The following MTURN variants were observed in gnomAD, a reference collection of about 807,000 sequenced individuals.
MTURN encodes maturin, neural progenitor differentiation regulator homolog, also known as maturin.
A neutral mutation model predicts 14.9 loss-of-function variants in MTURN; 7 were observed. The observed-to-expected ratio is 0.47, with a 90% CI of 0.27 to 0.88. MTURN has a LOEUF of 0.88. MTURN is among the 40% of genes least tolerant of loss of function. The pLI, the probability that MTURN is intolerant of heterozygous loss-of-function variation, is 0.14. For synonymous variants in MTURN, 69 were observed against 72.5 expected (o/e 0.95, Z 0.25); for missense variants, 151 against 174.1 (o/e 0.87, Z 0.75).
At chr7:30,141,630 C>T (rs1797054421) in intron 1 of MTURN, among the ~76,000 whole-genome samples, 1 of 152,062 alleles carries the variant, frequency 6.6e-6, no homozygotes, top group Non-Finnish European at 1.5e-5. Flanking sequence ...CTGAAGCAGC[C>T]TGCTGCTTCA....
chr7:30,150,529 A>AT (rs1012844528), intron 2 of MTURN, among the ~76,000 whole-genome samples: 39 of 152,308 alleles, frequency 2.6e-4, no homozygotes, highest in African/African-American at 8.2e-4. Flanking sequence ...GTTATGGATG[A>AT]TTTTTTATTT....
At chr7:30,142,671 A>T (rs751247459) in intron 1 of MTURN, among the ~76,000 whole-genome samples, 1 of 152,188 alleles carries the variant, frequency 6.6e-6, no homozygotes, top group Non-Finnish European at 1.5e-5. Context: ...TAACTTTGCA[A>T]TTTAAACTCT....
chr7:30,145,971 A>T (rs1797122706), intron 1 of MTURN: 1 of 1,551,294 alleles, frequency 6.4e-7, no homozygotes. Context: ...TATGGACCAA[A>T]AGCTCGGGGG....
intron 1 of MTURN, chr7:30,145,969 A>G: frequency 1.3e-6 from 2 of 1,551,456 alleles, no homozygotes; most frequent in Non-Finnish European, 1.7e-6. Flanking sequence ...GGTATGGACC[A>G]AAAGCTCGGG....
At chr7:30,150,576 C>T (rs1253155988) in intron 2 of MTURN, among the ~76,000 whole-genome samples, 3 of 152,204 alleles carry the variant, frequency 2.0e-5, no homozygotes, top group Non-Finnish European at 2.9e-5. Context: ...TCTATGATCA[C>T]ATTATCAGAA....
In MTURN at chr7:30,135,005, C is replaced by G; in HGVS notation, c.-132C>G. ...CGCCCCACTCCGCACCGCATGTAAA[C>G]AGTCCCAGCCGGCCCAGCCCGGCCC... is the stretch of plus-strand genomic sequence containing the variant. On this transcript the variant is annotated 5_prime_UTR_variant, in exon 1 of 3. Coordinates refer to ENST00000324453, the MANE Select transcript of MTURN (RefSeq NM_152793.3). 1.3e-6 allele frequency: 1 copy of G among 759,278 alleles called. No homozygotes were observed. The highest frequency in any genetic ancestry group is 1.6e-6 in the Non-Finnish European group (1 of 613,128). 47.0% of individuals were successfully genotyped at this position (759,278 alleles called of 1,614,324 possible).
At chr7:30,153,781 G>A (rs547989174) in intron 2 of MTURN, among the ~76,000 whole-genome samples, 3 of 152,158 alleles carry the variant, frequency 2.0e-5, no homozygotes, top group African/African-American at 7.2e-5. Flanking sequence ...GCAATGGCAC[G>A]ATCTTGGCTC....
intron 1 of MTURN, among the ~76,000 whole-genome samples, chr7:30,144,928 CTT>C (rs11411711): frequency 3.1e-4 from 23 of 73,974 alleles, no homozygotes; most frequent in African/African-American, 5.1e-4. Context: ...GACCTCAATA[CTT>C]TTTTTTTTTT....
At chr7:30,139,507 T>C (rs1168631478) in intron 1 of MTURN, among the ~76,000 whole-genome samples, 2 of 152,148 alleles carry the variant, frequency 1.3e-5, no homozygotes, top group Non-Finnish European at 2.9e-5. Context: ...GAGTGCTTCT[T>C]ATTGGGCCTC....
chr7:30,147,606 G>A (rs751759786), intron 2 of MTURN, among the ~76,000 whole-genome samples: 2 of 149,474 alleles, frequency 1.3e-5, no homozygotes, highest in Non-Finnish European at 3.0e-5. Context: ...ATGCCCCCAG[G>A]ATAAAAGCAG....
In MTURN at chr7:30,146,264, G is replaced by A. The variant is rs1797128637; in HGVS notation, c.250G>A (p.Glu84Lys). The change falls in exon 2 of 3, where the codon GAA becomes AAA. Residue 84 changes from glutamate to lysine, a missense_variant. Physicochemically the swap from Glu to Lys is moderately conservative, Grantham distance 56 (BLOSUM62 1). Coordinates refer to ENST00000324453, the MANE Select transcript of MTURN (RefSeq NM_152793.3). ...ISSCGKKTLH[E>K]VLEKVFKSFR... Reference sequence around the variant, plus strand: ...CTCCTGCGGCAAGAAGACGCTCCACGAAGTCCTGGAAAAAGTCTTCAAGTC... The same window carrying A: ...CTCCTGCGGCAAGAAGACGCTCCACAAAGTCCTGGAAAAAGTCTTCAAGTC... The A allele has an allele frequency of 6.2e-7, 1 of 1,614,098 alleles. No individual in the cohort carries two copies. Among genetic ancestry groups the A allele is most frequent in the South Asian group, 1.1e-5 (1 of 91,088 alleles).
At chr7:30,140,432 C>A (rs1797034489) in intron 1 of MTURN, among the ~76,000 whole-genome samples, 1 of 25,556 alleles carries the variant, frequency 3.9e-5, no homozygotes, top group Admixed American at 4.6e-4. Context: ...CATTTGTGGT[C>A]TGAACACATC....
chr7:30,147,819 A>G (rs1797150625), intron 2 of MTURN, among the ~76,000 whole-genome samples: 1 of 152,230 alleles, frequency 6.6e-6, no homozygotes, highest in Non-Finnish European at 1.5e-5. Context: ...ATAGAGTGAC[A>G]AAAACCACTG....
intron 2 of MTURN, among the ~76,000 whole-genome samples, chr7:30,151,639 G>A (rs1220753268): frequency 1.3e-5 from 2 of 152,096 alleles, no homozygotes; most frequent in East Asian, 1.9e-4. Flanking sequence ...TTGCTTCCTC[G>A]AGTGTGTTCT....
intron 1 of MTURN, chr7:30,145,836 C>T (rs1797121057): frequency 6.5e-7 from 1 of 1,539,288 alleles, no homozygotes; most frequent in Non-Finnish European, 8.7e-7. Context: ...TTTCTCCTTC[C>T]CCATGTCTGA....
At position 30,161,874 on chromosome 7, in the gene MTURN, T is replaced by C. The variant is rs1797379573; in HGVS notation, c.*4326T>C. 1.3e-5 allele frequency: 2 copies of C among 152,124 alleles called. No individual in the cohort carries two copies. 9.4% of individuals were successfully genotyped at this position (152,124 alleles called of 1,614,324 possible). On this transcript the variant is annotated 3_prime_UTR_variant, in exon 3 of 3. Transcript: ENST00000324453. ...ACACAAGAAGCTGAAGTCTTTTAGA[T>C]TTTATAGAGAGTAATTCTGAAACCT... is the stretch of plus-strand genomic sequence containing the variant.
rs1300124006 is a variant in MTURN at position 30,159,621 on chromosome 7, G to A, written c.*2073G>A. 1 of 152,638 alleles carries A rather than the reference G, an allele frequency of 6.6e-6. No homozygotes were observed. The highest frequency in any genetic ancestry group is 6.5e-5 in the Admixed American group (1 of 15,282). 9.5% of individuals were successfully genotyped at this position (152,638 alleles called of 1,614,324 possible). A position where few individuals can be genotyped will look rare whatever the true frequency, so the allele number is the denominator to read the frequency against. On this transcript the variant is annotated 3_prime_UTR_variant, in exon 3 of 3. Coordinates refer to ENST00000324453, the MANE Select transcript of MTURN (RefSeq NM_152793.3). ...AATTGAGTGGAGATAGATAGACTCGGCCATTCTGTGGGCTGATGAGAATTC... is the reference window on the plus strand; with the variant it reads ...AATTGAGTGGAGATAGATAGACTCGACCATTCTGTGGGCTGATGAGAATTC...
intron 1 of MTURN, among the ~76,000 whole-genome samples, chr7:30,143,991 A>G (rs538725329): frequency 5.3e-5 from 8 of 152,364 alleles, no homozygotes; most frequent in Non-Finnish European, 1.2e-4. Context: ...CCGCAACCTG[A>G]GTTGCCTCAG....
At position 30,140,394 on chromosome 7, in the gene MTURN, G is replaced by GGTGTGTGT. The variant is rs749509362; in HGVS notation, c.162+5111_162+5118dup. ...TTAATTTTACATGTGTTTGTAGAGG[G>GGTGTGTGT]GTGTGTGTGTGTGTGTGTGTGTATC... On this transcript the variant is annotated intron_variant, in intron 1 of 2. Coordinates refer to ENST00000324453, the MANE Select transcript of MTURN (RefSeq NM_152793.3). Among the ~76,000 whole-genome samples the GGTGTGTGT allele has an allele frequency of 9.1e-4, 33 of 36,322 alleles. 1 individual carries two copies. The South Asian group carries it at 0.032, about 35-fold the overall frequency. The allele number at this position is 36,322 out of a possible 152,430, so 23.8% of individuals were successfully genotyped here. A position where few individuals can be genotyped will look rare whatever the true frequency, so the allele number is the denominator to read the frequency against.
Sources: gnomAD v4.1 joint callset for allele counts (sites outside exome capture counted in the v4.1 genomes callset) on GRCh38, gnomAD v4.1.1 for gene constraint, MANE v1.5 for transcripts, NCBI Gene and HGNC (gene_info 2026-07-23, HGNC 2026-07-21) for gene names.